Variants in GORASP2 observed in about 807,000 individuals in gnomAD.
GORASP2 encodes Golgi reassembly-stacking protein 2.
A neutral mutation model predicts 45.7 loss-of-function variants in GORASP2; 22 were observed. That is an observed-to-expected ratio of 0.48 (90% CI 0.34 to 0.69). GORASP2 has a LOEUF of 0.69. Ranked by LOEUF, GORASP2 falls within the 30% of genes least tolerant of loss-of-function variation. GORASP2 has a pLI of 0.01. For synonymous variants in GORASP2, 221 were observed against 215.6 expected (o/e 1.02, Z -0.22); for missense variants, 491 against 562.7 (o/e 0.87, Z 1.29).
Position 170,956,576 on chromosome 2 carries a change from A to G in GORASP2, c.823+17A>G. On this transcript the variant is annotated intron_variant, in intron 7 of 9. Transcript: ENST00000234160. ...TCAGTACAGGTGTGCAGAAAAATAT[A>G]TTCTGTTTTCAGTCTATTTTATGTA... The G allele has an allele frequency of 6.3e-7, 1 of 1,589,726 alleles. No individual in the cohort carries two copies. The highest frequency in any genetic ancestry group is 2.2e-5 in the East Asian group (1 of 44,760).
chr2:170,951,441 A>G lies in GORASP2; in HGVS notation c.549A>G (p.Ala183=). 3 of 1,610,966 alleles carry G rather than the reference A, an allele frequency of 1.9e-6. No individual in the cohort carries two copies. Among genetic ancestry groups the G allele is most frequent in the Non-Finnish European group, 2.5e-6 (3 of 1,178,938 alleles). ...AAGTGATTATTACACCAAATTCTGC[A>G]TGGGGTGGAGAAGGCAGGTAAGGTC... ...CREVIITPNS[A]WGGEGSLGCG... is the part of the protein sequence containing the mutation. Residue 183 remains alanine, a synonymous_variant, in exon 5 of 10, where the codon GCA becomes GCG. Transcript: ENST00000234160.
intron 1 of GORASP2, among the ~76,000 whole-genome samples, chr2:170,938,450 TA>T (rs1274950137): frequency 6.6e-6 from 1 of 152,254 alleles, no homozygotes; most frequent in African/African-American, 2.4e-5. Flanking sequence ...TGGTGCCTGT[TA>T]ATTTCCTCTG....
chr2:170,963,028 G>A (rs1250970287), intron 9 of GORASP2, 82 bp downstream of exon 9: 4 of 865,096 alleles, frequency 4.6e-6, no homozygotes, highest in African/African-American at 1.7e-5. Flanking sequence ...AGTTTTTTCT[G>A]GAGAGAGCAA....
In GORASP2 at chr2:170,956,505, A is replaced by T. The variant is rs1704431165; in HGVS notation, c.769A>T (p.Thr257Ser). The part of the protein sequence containing the change: ...PGTTGIEQSL[T>S]GLSISSTPPA... Reference sequence around the variant, plus strand: ...AACTACAGGAATTGAACAGAGTCTGACTGGACTTTCTATTAGCTCAACTCC... The same window carrying T: ...AACTACAGGAATTGAACAGAGTCTGTCTGGACTTTCTATTAGCTCAACTCC... The change falls in exon 7 of 10, where the codon ACT (threonine) becomes TCT (serine). Residue 257 changes from threonine (T) to serine (S), a missense_variant. Thr to Ser is a moderately conservative substitution (Grantham distance 58, BLOSUM62 1). Transcript: ENST00000234160. The T allele has an allele frequency of 6.2e-7, 1 of 1,613,340 alleles. No individual in the cohort carries two copies. Among genetic ancestry groups the T allele is most frequent in the Admixed American group, 1.7e-5 (1 of 60,002 alleles).
At chr2:170,943,012 T>G (rs1438290871) in intron 1 of GORASP2, among the ~76,000 whole-genome samples, 1 of 152,246 alleles carries the variant, frequency 6.6e-6, no homozygotes, top group Non-Finnish European at 1.5e-5. Context: ...TTATGTCTTT[T>G]TACTTTCTTA....
At chr2:170,962,217 C>G (rs1410732516) in intron 8 of GORASP2, among the ~76,000 whole-genome samples, 1 of 152,198 alleles carries the variant, frequency 6.6e-6, no homozygotes, top group Non-Finnish European at 1.5e-5. Context: ...CTTTATCCAG[C>G]CAATAATAAT....
rs137885402 is a variant in GORASP2 at position 170,966,558 on chromosome 2, C to G, written c.*428C>G. The G allele has an allele frequency of 1.9e-3, 393 of 204,496 alleles. 3 individuals are homozygous for G. Among genetic ancestry groups the G allele is most frequent in the African/African-American group, 8.7e-3 (369 of 42,194 alleles). 12.7% of individuals were successfully genotyped at this position (204,496 alleles called of 1,614,324 possible). ...AAGTCGTTTGCGAGAATGCAGACCA[C>G]CTCACTAAACTGTAAACGGTAAAGA... On this transcript the variant is annotated 3_prime_UTR_variant, in exon 10 of 10. Coordinates refer to ENST00000234160, the MANE Select transcript of GORASP2 (RefSeq NM_015530.5).
At chr2:170,959,779 C>T (rs1704508673) in intron 7 of GORASP2, among the ~76,000 whole-genome samples, 1 of 150,182 alleles carries the variant, frequency 6.7e-6, no homozygotes, top group Non-Finnish European at 1.5e-5. Context: ...TGGCATCGAT[C>T]ATTGTGACCT....
chr2:170,966,759 A>C lies in GORASP2; in HGVS notation c.*629A>C, dbSNP rs1380336642. 1.3e-5 allele frequency: 2 copies of C among 154,602 alleles called. No individual in the cohort carries two copies. The highest frequency in any genetic ancestry group is 3.9e-4 in the East Asian group (2 of 5,192). The allele number at this position is 154,602 out of a possible 1,614,324, so 9.6% of individuals were successfully genotyped here. On this transcript the variant is annotated 3_prime_UTR_variant, in exon 10 of 10. Transcript: ENST00000234160. The stretch of plus-strand genomic sequence containing the variant: ...AGAATCACTCAGACAACATTTTGTA[A>C]CTGCTGCTGTTGCTTTCTACATACA...
chr2:170,963,664 C>T (rs940635115), intron 9 of GORASP2, among the ~76,000 whole-genome samples: 4 of 152,020 alleles, frequency 2.6e-5, no homozygotes, highest in Admixed American at 1.3e-4. Context: ...TTTTTTGAGA[C>T]AGAGTCTTGC....
chr2:170,964,292 C>T (rs1021856246), intron 9 of GORASP2, among the ~76,000 whole-genome samples: 1 of 152,166 alleles, frequency 6.6e-6, no homozygotes, highest in African/African-American at 2.4e-5. Context: ...GATAATTGTC[C>T]CTCTTGTAAC....
chr2:170,938,509 C>T (rs190341248), intron 1 of GORASP2, among the ~76,000 whole-genome samples: 2 of 152,280 alleles, frequency 1.3e-5, no homozygotes, highest in East Asian at 3.9e-4. Flanking sequence ...CGGGGAGTGC[C>T]AGTATCCTTT....
chr2:170,943,837 T>A (rs2105317211), intron 1 of GORASP2, among the ~76,000 whole-genome samples: 1 of 152,266 alleles, frequency 6.6e-6, no homozygotes, highest in South Asian at 2.1e-4. Flanking sequence ...TATGCCTGGC[T>A]AATTTTTTAA....
At chr2:170,962,789 T>A (rs947686864) in intron 8 of GORASP2, 50 bp from the exon 9 acceptor site, 2 of 1,230,588 alleles carry the variant, frequency 1.6e-6, no homozygotes, top group Admixed American at 1.7e-5. Flanking sequence ...GATTTATTTC[T>A]TCCCCAGGTC....
rs930061393 is a variant in GORASP2 at position 170,966,155 on chromosome 2, C to T, written c.*25C>T. The T allele has an allele frequency of 9.1e-6, 14 of 1,539,848 alleles. No homozygotes were observed. Among genetic ancestry groups the T allele is most frequent in the African/African-American group, 4.1e-5 (3 of 73,522 alleles). On this transcript the variant is annotated 3_prime_UTR_variant, in exon 10 of 10. Transcript: ENST00000234160. ...ACTTTGAACCATTCTTTGGAATTGG[C>T]GTGGTATATTTAACCACGGGAGCGT...
intron 1 of GORASP2, among the ~76,000 whole-genome samples, chr2:170,944,748 C>G (rs1407998022): frequency 6.6e-6 from 1 of 152,074 alleles, no homozygotes; most frequent in Non-Finnish European, 1.5e-5. Context: ...AGGTAAACTT[C>G]TGGCAGTCTC....
At position 170,967,047 on chromosome 2, in the gene GORASP2, T is replaced by C. The variant is rs908299935; in HGVS notation, c.*917T>C. 2.6e-5 allele frequency: 4 copies of C among 152,252 alleles called. No homozygotes were observed. The highest frequency in any genetic ancestry group is 9.6e-5 in the African/African-American group (4 of 41,460). The allele number at this position is 152,252 out of a possible 1,614,324, so 9.4% of individuals were successfully genotyped here. ...CTTTTCACGTCCTATGTTTGCTTTC[T>C]CCCATTTTTAAGAGATGGTAAGTTA... On this transcript the variant is annotated 3_prime_UTR_variant, in exon 10 of 10. Coordinates refer to ENST00000234160, the MANE Select transcript of GORASP2 (RefSeq NM_015530.5).
chr2:170,949,850 G>T, intron 3 of GORASP2, 108 bp downstream of exon 3: 1 of 996,530 alleles, frequency 1.0e-6, no homozygotes, highest in Non-Finnish European at 1.5e-6. Context: ...ATTATTAATA[G>T]GCAATTTTTG....
At chr2:170,941,006 A>AAC (rs1704065010) in intron 1 of GORASP2, among the ~76,000 whole-genome samples, 4 of 152,182 alleles carry the variant, frequency 2.6e-5, no homozygotes, top group Non-Finnish European at 5.9e-5. Context: ...TGTAATAGAG[A>AAC]TGCCCCTTTA....
Sources: gnomAD v4.1 joint callset for allele counts (sites outside exome capture counted in the v4.1 genomes callset) on GRCh38, gnomAD v4.1.1 for gene constraint, MANE v1.5 for transcripts, NCBI Gene and HGNC (gene_info 2026-07-23, HGNC 2026-07-21) for gene names.